LIMCH1: variants seen among roughly 807,000 people sequenced by gnomAD.
LIMCH1 encodes LIM and calponin homology domains 1, also known as LIM and calponin homology domains-containing protein 1.
Under a neutral mutation model 176.5 loss-of-function variants are expected in LIMCH1, and 113 were observed. That is an observed-to-expected ratio of 0.64 (90% CI 0.55 to 0.75). The LOEUF is 0.75. LIMCH1 is among the 30% of genes least tolerant of loss of function. The probability of loss-of-function intolerance (pLI) is 0.00; values close to 1 mark genes in which losing one functional copy is unlikely to be tolerated. For synonymous variants in LIMCH1, 619 were observed against 645.9 expected (o/e 0.96, Z 0.63); for missense variants, 1,674 against 1,814.9 (o/e 0.92, Z 1.41).
chr4:41,513,084 T>C (rs1002945558), intron 2 of LIMCH1, among the ~76,000 whole-genome samples: 1 of 152,212 alleles, frequency 6.6e-6, no homozygotes, highest in African/African-American at 2.4e-5. Flanking sequence ...AGAGAATGTT[T>C]CATAGATTGA....
At chr4:41,615,574 G>T (rs1277145475) in intron 5 of LIMCH1, among the ~76,000 whole-genome samples, 1 of 152,114 alleles carries the variant, frequency 6.6e-6, no homozygotes, top group Non-Finnish European at 1.5e-5. Context: ...GACCTAATGA[G>T]ATTCTTAAAG....
chr4:41,517,528 G>A (rs1191970950), intron 2 of LIMCH1, among the ~76,000 whole-genome samples: 1 of 152,036 alleles, frequency 6.6e-6, no homozygotes, highest in Admixed American at 6.5e-5. Context: ...TGGCTTAAGT[G>A]TGACCTATAT....
chr4:41,504,056 T>C (rs143464635), intron 2 of LIMCH1, among the ~76,000 whole-genome samples: 203 of 152,306 alleles, frequency 1.3e-3, no homozygotes, highest in African/African-American at 4.5e-3. Context: ...TAATTTATAG[T>C]ACCCCCTACT....
intron 1 of LIMCH1, among the ~76,000 whole-genome samples, chr4:41,592,693 C>G (rs777929228): frequency 6.6e-6 from 1 of 152,136 alleles, no homozygotes; most frequent in Admixed American, 6.6e-5. Context: ...TTGACATCCC[C>G]ACAGGTCGAT....
chr4:41,532,533 A>C (rs959655385), intron 3 of LIMCH1, among the ~76,000 whole-genome samples: 3 of 152,206 alleles, frequency 2.0e-5, no homozygotes, highest in African/African-American at 7.2e-5. Context: ...CATGACCTAC[A>C]CCAAAAGGCT....
intron 1 of LIMCH1, among the ~76,000 whole-genome samples, chr4:41,396,520 T>A (rs929763332): frequency 1.3e-5 from 2 of 151,186 alleles, no homozygotes; most frequent in African/African-American, 4.9e-5. Flanking sequence ...ATTGTGCGGG[T>A]TTTTTTTTGT....
upstream of LIMCH1, among the ~76,000 whole-genome samples, chr4:41,534,289 A>T (rs935881324): frequency 7.2e-4 from 109 of 152,226 alleles, no homozygotes; most frequent in African/African-American, 1.2e-3. Context: ...TAGCTCATTT[A>T]AAAAAGCTGC....
intron 18 of LIMCH1, among the ~76,000 whole-genome samples, chr4:41,657,671 T>C (rs927222717): frequency 9.9e-5 from 15 of 152,262 alleles, no homozygotes; most frequent in Non-Finnish European, 2.2e-4. Context: ...TTGCTAGCAG[T>C]AGCCAGATTT....
At chr4:41,500,397 C>CA (rs1456242732) in intron 2 of LIMCH1, among the ~76,000 whole-genome samples, 2 of 152,068 alleles carry the variant, frequency 1.3e-5, no homozygotes, top group Admixed American at 1.3e-4. Context: ...TGAGTATCAC[C>CA]AATCCATTGG....
chr4:41,564,805 G>A (rs1350054027), intron 1 of LIMCH1, among the ~76,000 whole-genome samples: 1 of 152,138 alleles, frequency 6.6e-6, no homozygotes, highest in Non-Finnish European at 1.5e-5. Context: ...TTGAATCGTG[G>A]AGGAGGTTTT....
rs115456967 is a variant in LIMCH1, at chr4:41,361,046, C to G, written c.96+110C>G. ...GCCTCCCCCCAACCGCCCCCACTTT[C>G]TTTTGCCAGCTGCTCCAGGTCACCC... On this transcript the variant is annotated intron_variant, in intron 1 of 26. Coordinates refer to the LIMCH1 transcript ENST00000313860. 2,555 of 635,698 alleles carry G rather than the reference C, an allele frequency of 4.0e-3. 51 individuals carry two copies. In the African/African-American group the frequency reaches 0.046, roughly 11 times the overall value. 39.4% of individuals were successfully genotyped at this position (635,698 alleles called of 1,614,324 possible).
chr4:41,492,549 A>G (rs187088861), intron 1 of LIMCH1, among the ~76,000 whole-genome samples: 135 of 152,306 alleles, frequency 8.9e-4, no homozygotes, highest in African/African-American at 3.2e-3. Context: ...CTGTCTTCAT[A>G]AATGCTCACT....
intron 1 of LIMCH1, among the ~76,000 whole-genome samples, chr4:41,539,229 G>A (rs137927932): frequency 2.4e-3 from 362 of 152,180 alleles, no homozygotes; most frequent in African/African-American, 8.2e-3. Context: ...AGCTACAGCC[G>A]TTTTCTTCAT....
At chr4:41,577,171 AAATAC>A (rs2084631217) in intron 1 of LIMCH1, among the ~76,000 whole-genome samples, 2 of 151,526 alleles carry the variant, frequency 1.3e-5, no homozygotes, top group Non-Finnish European at 2.9e-5. Context: ...ATACTTCTGG[AAATAC>A]GTATAAAAAA....
intron 1 of LIMCH1, among the ~76,000 whole-genome samples, chr4:41,580,466 C>T (rs1057185673): frequency 6.6e-6 from 1 of 152,100 alleles, no homozygotes; most frequent in African/African-American, 2.4e-5. Flanking sequence ...ATATTGACAT[C>T]ATCACTTCCA....
chr4:41,398,601 G>T (rs1038757468), intron 1 of LIMCH1, among the ~76,000 whole-genome samples: 37 of 152,026 alleles, frequency 2.4e-4, no homozygotes, highest in African/African-American at 8.9e-4. Flanking sequence ...TGTCTTTTTT[G>T]CATCTGAACT....
intron 1 of LIMCH1, among the ~76,000 whole-genome samples, chr4:41,403,444 G>C (rs1482612454): frequency 6.6e-6 from 1 of 152,084 alleles, no homozygotes; most frequent in Non-Finnish European, 1.5e-5. Context: ...AGCCAGGGGT[G>C]GTGGCGCGTG....
chr4:41,697,163 C>T lies in LIMCH1; in HGVS notation c.4382C>T (p.Ala1461Val). The part of the protein sequence containing the change: ...CNDCYMRSRS[A>V]GQPTTL ...TTGTTGTTTGTTTTAATCACAGGTGCCGGGCAGCCTACAACATTGTGACAC... is the reference window on the plus strand; with the variant it reads ...TTGTTGTTTGTTTTAATCACAGGTGTCGGGCAGCCTACAACATTGTGACAC... Residue 1461 changes from alanine (A) to valine (V), a missense_variant, in exon 32 of 32, where the codon GCC becomes GTC. This residue lies in a region of LIMCH1 where 1,015 missense variants were observed against 1,102.5 expected (regional missense o/e 0.92). Coordinates refer to ENST00000503057, the MANE Select transcript of LIMCH1 (RefSeq NM_001330672.2). 6.2e-7 allele frequency: 1 copy of T among 1,613,348 alleles called. No individual in the cohort carries two copies. Among genetic ancestry groups the T allele is most frequent in the Non-Finnish European group, 8.5e-7 (1 of 1,179,500 alleles).
At chr4:41,668,238 A>G (rs942609465) in intron 21 of LIMCH1, among the ~76,000 whole-genome samples, 2 of 152,190 alleles carry the variant, frequency 1.3e-5, no homozygotes, top group African/African-American at 4.8e-5. Flanking sequence ...CTTGGCAATA[A>G]TTAACTGGTA....
Sources: allele counts gnomAD v4.1 joint callset (sites outside exome capture counted in the v4.1 genomes callset), GRCh38; gene constraint gnomAD v4.1.1; regional missense constraint gnomAD v4.1.1; transcripts MANE v1.5; gene names NCBI Gene and HGNC (gene_info 2026-07-23, HGNC 2026-07-21).